Variants in ZFPM2 observed in about 807,000 individuals in gnomAD.
The protein encoded by ZFPM2 is zinc finger protein, FOG family member 2.
A neutral mutation model predicts 98.6 loss-of-function variants in ZFPM2; 20 were observed. The ratio of observed to expected loss-of-function variants is 0.20; its 90% confidence interval spans 0.14 to 0.29. The LOEUF (loss-of-function observed/expected upper bound fraction) is 0.29. Among genes scored for constraint, ZFPM2 ranks in the 10% least tolerant of loss-of-function variants. The probability of loss-of-function intolerance (pLI) is 1.00; values close to 1 mark genes in which losing one functional copy is unlikely to be tolerated. For missense variants in ZFPM2, 1,310 were observed against 1,388.6 expected (o/e 0.94, Z 0.90); for synonymous variants, 518 against 502.7 (o/e 1.03, Z -0.41).
chr8:105,608,847 C>G (rs1816249040), intron 4 of ZFPM2, among the ~76,000 whole-genome samples: 1 of 151,722 alleles, frequency 6.6e-6, no homozygotes, highest in Non-Finnish European at 1.5e-5. Context: ...CATGAAGAAT[C>G]ATAAAAATAT....
chr8:105,319,985 C>G (rs1811990197), intron 1 of ZFPM2, among the ~76,000 whole-genome samples: 4 of 152,120 alleles, frequency 2.6e-5, no homozygotes, highest in African/African-American at 9.7e-5. Context: ...GAAGAAAAAA[C>G]CTTATTAGTT....
At chr8:105,794,489 C>A (rs1201402261) in intron 6 of ZFPM2, among the ~76,000 whole-genome samples, 1 of 152,208 alleles carries the variant, frequency 6.6e-6, no homozygotes, top group Non-Finnish European at 1.5e-5. Context: ...TCTGCCCCTA[C>A]TGGGGGGTGC....
chr8:105,449,449 T>C (rs1812442890), intron 3 of ZFPM2, among the ~76,000 whole-genome samples: 1 of 152,044 alleles, frequency 6.6e-6, no homozygotes, highest in Non-Finnish European at 1.5e-5. Context: ...TATGTTAAGC[T>C]TTGGGTCATT....
At chr8:105,455,189 A>G (rs1812563489) in intron 3 of ZFPM2, among the ~76,000 whole-genome samples, 1 of 152,170 alleles carries the variant, frequency 6.6e-6, no homozygotes, top group Non-Finnish European at 1.5e-5. Context: ...AAAATCCAAA[A>G]TATTTCCAGT....
chr8:105,496,943 C>T (rs1383125681), intron 3 of ZFPM2, among the ~76,000 whole-genome samples: 6 of 130,568 alleles, frequency 4.6e-5, no homozygotes, highest in Admixed American at 1.8e-4. Flanking sequence ...GATCTCGCCA[C>T]TGCACTCCAG....
chr8:105,405,467 C>T (rs2130003791), intron 1 of ZFPM2, among the ~76,000 whole-genome samples: 1 of 136,990 alleles, frequency 7.3e-6, no homozygotes, highest in East Asian at 2.5e-4. Flanking sequence ...GTGTGATGTT[C>T]CCCTTCCTGT....
In ZFPM2 at chr8:105,803,177, T is replaced by C; in HGVS notation, c.3095T>C (p.Leu1032Pro). The C allele has an allele frequency of 3.7e-6, 6 of 1,613,838 alleles. No individual in the cohort carries two copies. Among genetic ancestry groups the C allele is most frequent in the Non-Finnish European group, 5.1e-6 (6 of 1,179,802 alleles). The change falls in exon 8 of 8, where the codon CTG (leucine) becomes CCG (proline). Residue 1032 changes from leucine (L) to proline (P), a missense_variant. Leu to Pro is a moderately conservative substitution (Grantham distance 98, BLOSUM62 -3). Transcript: ENST00000407775. Reference protein sequence around the residue: ...NGCAALKKDSLPLLPKNRGMV... With the variant: ...NGCAALKKDSPPLLPKNRGMV... ...TGTGCTGCGCTGAAGAAAGATTCTC[T>C]GCCATTGTTGCCCAAAAATCGAGGA...
chr8:105,418,983 A>G (rs1166333745), intron 1 of ZFPM2, among the ~76,000 whole-genome samples, 161 bp from the exon 2 acceptor site: 1 of 152,078 alleles, frequency 6.6e-6, no homozygotes, highest in Non-Finnish European at 1.5e-5. Flanking sequence ...TGTTTCTTGT[A>G]TATACGGATG....
chr8:105,650,816 A>G (rs1817155178), intron 5 of ZFPM2, among the ~76,000 whole-genome samples: 1 of 152,284 alleles, frequency 6.6e-6, no homozygotes, highest in African/African-American at 2.4e-5. Flanking sequence ...CAATTTTGGA[A>G]TAAGTGCGAT....
chr8:105,641,521 G>A (rs1816947848), intron 5 of ZFPM2, among the ~76,000 whole-genome samples: 1 of 152,044 alleles, frequency 6.6e-6, no homozygotes, highest in African/African-American at 2.4e-5. Flanking sequence ...TTAAGGTCAA[G>A]ACAAGTGACC....
At chr8:105,426,122 A>G (rs989319656) in intron 2 of ZFPM2, among the ~76,000 whole-genome samples, 1 of 152,098 alleles carries the variant, frequency 6.6e-6, no homozygotes, top group African/African-American at 2.4e-5. Flanking sequence ...CAGCTCTACC[A>G]TAATCACTTT....
In ZFPM2 at chr8:105,802,475, A is replaced by G. The variant is rs544936088; in HGVS notation, c.2393A>G (p.His798Arg). 5.0e-6 allele frequency: 8 copies of G among 1,613,336 alleles called. No homozygotes were observed. In the South Asian group the frequency reaches 7.7e-5, roughly 16 times the overall value. The change falls in exon 8 of 8, where the codon CAC (histidine) becomes CGC (arginine). Residue 798 changes from histidine (H) to arginine (R), a missense_variant. Physicochemically the swap from His to Arg is conservative, Grantham distance 29. Transcript: ENST00000407775. Reference protein sequence around the residue: ...CDIFPGIVSKHLETSLTINKC... With the variant: ...CDIFPGIVSKRLETSLTINKC... ...ATCTTTCCAGGAATTGTCTCTAAAC[A>G]CTTGGAAACTTCTCTGACGATCAAC...
chr8:105,764,811 T>A (rs935082201), intron 5 of ZFPM2, among the ~76,000 whole-genome samples: 10 of 151,844 alleles, frequency 6.6e-5, no homozygotes, highest in Non-Finnish European at 1.2e-4. Context: ...GAATCTGTCA[T>A]TTTCATTTAG....
At chr8:105,429,113 T>G (rs765585545) in intron 2 of ZFPM2, among the ~76,000 whole-genome samples, 2 of 152,202 alleles carry the variant, frequency 1.3e-5, no homozygotes, top group Non-Finnish European at 2.9e-5. Context: ...TACAGATATA[T>G]CAAACACTTT....
chr8:105,730,069 G>T (rs1014538866), intron 5 of ZFPM2, among the ~76,000 whole-genome samples: 1 of 151,424 alleles, frequency 6.6e-6, no homozygotes, highest in African/African-American at 2.4e-5. Context: ...AATGTCTGCA[G>T]TATCCCAGGT....
At chr8:105,490,633 T>C (rs1253489954) in intron 3 of ZFPM2, among the ~76,000 whole-genome samples, 3 of 152,220 alleles carry the variant, frequency 2.0e-5, no homozygotes, top group Admixed American at 2.0e-4. Context: ...AAATCCAACT[T>C]TTGTTGTAGC....
chr8:105,726,145 G>T (rs1384709240), intron 5 of ZFPM2, among the ~76,000 whole-genome samples: 1 of 151,632 alleles, frequency 6.6e-6, no homozygotes, highest in Non-Finnish European at 1.5e-5. Context: ...CGAAATGCTG[G>T]CAGTAGGCTG....
chr8:105,400,143 G>C (rs1314290356), intron 1 of ZFPM2, among the ~76,000 whole-genome samples: 1 of 151,936 alleles, frequency 6.6e-6, no homozygotes, highest in African/African-American at 2.4e-5. Flanking sequence ...TTCTTTCATT[G>C]TGTCTAAAAT....
intron 4 of ZFPM2, among the ~76,000 whole-genome samples, chr8:105,610,668 GA>G (rs1447576997): frequency 1.3e-5 from 2 of 152,068 alleles, no homozygotes; most frequent in Non-Finnish European, 2.9e-5. Flanking sequence ...AAATAGGTTT[GA>G]AAAGCATTTA....
Sources: allele counts gnomAD v4.1 joint callset (sites outside exome capture counted in the v4.1 genomes callset), GRCh38; gene constraint gnomAD v4.1.1; transcripts MANE v1.5; gene names NCBI Gene and HGNC (gene_info 2026-07-23, HGNC 2026-07-21).